TRMT1: variants seen among roughly 807,000 people sequenced by gnomAD.
The protein encoded by TRMT1 is tRNA (guanine(26)-N(2))-dimethyltransferase.
A neutral mutation model predicts 75.4 loss-of-function variants in TRMT1; 63 were observed. The ratio of observed to expected loss-of-function variants is 0.84; its 90% CI spans 0.68 to 1.03. The LOEUF (loss-of-function observed/expected upper bound fraction) is 1.03. Among genes scored for constraint, TRMT1 ranks in the 50% least tolerant of loss-of-function variants. TRMT1 has a pLI of 0.00. For missense variants in TRMT1, 870 were observed against 905.3 expected, an observed-to-expected ratio of 0.96 and a Z score of 0.50; for synonymous variants, 382 against 358.1, an observed-to-expected ratio of 1.07 and a Z score of -0.75.
intron 8 of TRMT1, 37 bp from the exon 9 acceptor site, chr19:13,110,038 G>A (rs773498587): frequency 1.2e-6 from 2 of 1,612,426 alleles, no homozygotes; most frequent in Admixed American, 3.3e-5. Flanking sequence ...TTCCCAGCGT[G>A]ACCACGACAC....
In TRMT1 at chr19:13,115,359, G is replaced by A. The variant is rs1158864111; in HGVS notation, c.561C>T (p.Thr187=). The change falls in exon 5 of 17, where the codon ACC becomes ACT. Residue 187 remains threonine (T), a synonymous_variant. Coordinates refer to ENST00000357720, the MANE Select transcript of TRMT1 (RefSeq NM_001136035.4). ...LRSVVANDAS[T]RAVDLIRRNV... is the part of the protein sequence containing the mutation. ...TCCGGCGTATGAGATCCACAGCCCG[G>A]GTGGAGGCATCGTTTGCAACCACAG... is the stretch of plus-strand genomic sequence containing the variant. The A allele has an allele frequency of 6.2e-7, 1 of 1,614,068 alleles. No individual in the cohort carries two copies. Among genetic ancestry groups the A allele is most frequent in the Non-Finnish European group, 8.5e-7 (1 of 1,180,036 alleles).
chr19:13,115,270 A>C lies in TRMT1; in HGVS notation c.641+9T>G. 2 of 1,606,830 alleles carry C rather than the reference A, an allele frequency of 1.2e-6. No homozygotes were observed. Among genetic ancestry groups the C allele is most frequent in the Non-Finnish European group, 1.7e-6 (2 of 1,176,008 alleles). On this transcript the variant is annotated intron_variant, in intron 5 of 16. Transcript: ENST00000357720. ...GTCCCAGAGCTAGGCTGTGATGCCC[A>C]GAACCTACCGGGCATCTGCTTGGCT...
intron 7 of TRMT1, 35 bp downstream of exon 7, chr19:13,112,670 C>A: frequency 1.9e-6 from 3 of 1,592,418 alleles, no homozygotes; most frequent in Admixed American, 1.7e-5. Context: ...ACCTGTCCCC[C>A]GGTCTCCCTG....
chr19:13,114,733 C>A (rs547953891), intron 5 of TRMT1, among the ~76,000 whole-genome samples: 1 of 152,014 alleles, frequency 6.6e-6, no homozygotes, highest in Non-Finnish European at 1.5e-5. Flanking sequence ...CCCAGCTACT[C>A]GGGAGGCTGA....
intron 5 of TRMT1, 74 bp downstream of exon 5, chr19:13,115,205 G>T: frequency 1.4e-6 from 2 of 1,475,852 alleles, no homozygotes; most frequent in Non-Finnish European, 1.8e-6. Context: ...GTCACAGAGT[G>T]AGAATGTGAC....
chr19:13,111,722 CAG>C (rs2019150063), intron 7 of TRMT1, among the ~76,000 whole-genome samples: 1 of 128,404 alleles, frequency 7.8e-6, no homozygotes, highest in Admixed American at 8.0e-5. Context: ...TTTTTTGAGA[CAG>C]AGTCTTGCTC....
chr19:13,114,143 G>A lies in TRMT1; in HGVS notation c.642-1132C>T, dbSNP rs554164592. Among the ~76,000 whole-genome samples, 16 of 152,292 alleles carry A rather than the reference G, an allele frequency of 1.1e-4. No homozygotes were observed. In the East Asian group the frequency reaches 2.7e-3, roughly 26 times the overall value. On this transcript the variant is annotated intron_variant, in intron 5 of 16. Coordinates refer to ENST00000357720, the MANE Select transcript of TRMT1 (RefSeq NM_001136035.4). ...AAGGTCAGAAGGTATTTTAGGCTTTGTGAGTCATATGTGGTCCCTACTGCA... is the reference window on the plus strand; with the variant it reads ...AAGGTCAGAAGGTATTTTAGGCTTTATGAGTCATATGTGGTCCCTACTGCA...
At chr19:13,115,031 T>C (rs1276134220) in intron 5 of TRMT1, among the ~76,000 whole-genome samples, 1 of 151,366 alleles carries the variant, frequency 6.6e-6, no homozygotes, top group Non-Finnish European at 1.5e-5. Context: ...ATAAAAGGAG[T>C]GTAAGAAGTT....
In TRMT1 at chr19:13,110,607, GAGGACCCACGTTCC is replaced by G. The variant is rs1412005594; in HGVS notation, c.871-315_871-302del. ...ATCGGTGTGCCATGTGGCATGTACT[GAGGACCCACGTTCC>G]AGCCCCCAAGGGCTCTGTGGGCAGG... On this transcript the variant is annotated intron_variant, in intron 7 of 16. Transcript: ENST00000357720. Among the ~76,000 whole-genome samples the G allele has an allele frequency of 7.2e-5, 11 of 152,380 alleles. 1 individual carries two copies. The East Asian group carries it at 1.9e-3, about 27-fold the overall frequency.
In TRMT1 at chr19:13,115,693, A is replaced by G. The variant is rs1422020840; in HGVS notation, c.386T>C (p.Leu129Pro). 1 of 1,613,970 alleles carries G rather than the reference A, an allele frequency of 6.2e-7. No homozygotes were observed. Among genetic ancestry groups the G allele is most frequent in the East Asian group, 2.2e-5 (1 of 44,876 alleles). Residue 129 changes from leucine (L) to proline (P), a missense_variant, in exon 4 of 17, where the codon CTG becomes CCG. By Grantham distance (98) the Leu-to-Pro change is moderately conservative. Coordinates refer to ENST00000357720, the MANE Select transcript of TRMT1 (RefSeq NM_001136035.4). ...TGAGGCCAGGTTTTCACTCTCTTTCAGTTCAACCTTTTCCTCCTCTTGCTC... is the reference window on the plus strand; with the variant it reads ...TGAGGCCAGGTTTTCACTCTCTTTCGGTTCAACCTTTTCCTCCTCTTGCTC... Reference protein sequence around the residue: ...LSEQEEEKVELKESENLASGD... With the variant: ...LSEQEEEKVEPKESENLASGD...
At chr19:13,110,458 G>A (rs1881825206) in intron 7 of TRMT1, 152 bp from the exon 8 acceptor site, 3 of 853,854 alleles carry the variant, frequency 3.5e-6, no homozygotes, top group African/African-American at 1.7e-5. Context: ...CTCAACAAGT[G>A]AGTATCCCCT....
At chr19:13,106,397 T>C (rs957364462) in intron 14 of TRMT1, among the ~76,000 whole-genome samples, 8 of 152,192 alleles carry the variant, frequency 5.3e-5, no homozygotes, top group Admixed American at 3.9e-4. Flanking sequence ...ATTTAACGAC[T>C]GTGTGCCTGC....
intron 5 of TRMT1, among the ~76,000 whole-genome samples, chr19:13,114,432 C>G (rs917268728): frequency 6.6e-6 from 1 of 152,090 alleles, no homozygotes; most frequent in Non-Finnish European, 1.5e-5. Flanking sequence ...TTTGGGAGGC[C>G]GAGGCGGGCA....
intron 12 of TRMT1, among the ~76,000 whole-genome samples, chr19:13,108,910 TAA>T (rs1482550920): frequency 1.4e-5 from 2 of 143,760 alleles, no homozygotes; most frequent in African/African-American, 2.6e-5. Flanking sequence ...AAGCCTGGCC[TAA>T]TTTTTTTTTT....
intron 7 of TRMT1, among the ~76,000 whole-genome samples, chr19:13,111,166 C>T (rs2019124167): frequency 6.6e-6 from 1 of 152,064 alleles, no homozygotes; most frequent in Non-Finnish European, 1.5e-5. Context: ...GCCTCAGCCT[C>T]CAGAGTAGCT....
chr19:13,115,165 G>A (rs2019288948), intron 5 of TRMT1, 114 bp downstream of exon 5: 2 of 1,155,544 alleles, frequency 1.7e-6, no homozygotes, highest in East Asian at 2.6e-5. Flanking sequence ...AGGAAACTGG[G>A]GCTCAAAGAG....
rs145807038 is a variant in TRMT1, at chr19:13,105,509, G to T, written c.1681C>A (p.Pro561Thr). ...CACCCTGGCCGGGCACGAGGCCGGGGACCCCAGTTGGCCTCCGGGTTAGCC... is the reference window on the plus strand; with the variant it reads ...CACCCTGGCCGGGCACGAGGCCGGGTACCCCAGTTGGCCTCCGGGTTAGCC... ...FQANPEANWG[P>T]RPRARPGGKA... is the part of the protein sequence containing the mutation. The change falls in exon 15 of 17, where the codon CCC (proline) becomes ACC (threonine). Residue 561 changes from proline to threonine, a missense_variant. Transcript: ENST00000357720. 1 of 1,613,944 alleles carries T rather than the reference G, an allele frequency of 6.2e-7. No individual in the cohort carries two copies. Among genetic ancestry groups the T allele is most frequent in the East Asian group, 2.2e-5 (1 of 44,876 alleles).
chr19:13,107,633 C>T lies in TRMT1; in HGVS notation c.1524G>A (p.Val508=). The T allele has an allele frequency of 6.2e-7, 1 of 1,608,010 alleles. No individual in the cohort carries two copies. The highest frequency in any genetic ancestry group is 8.5e-7 in the Non-Finnish European group (1 of 1,176,636). The part of the protein sequence containing the change: ...IMRCWEKECP[V]KRERLSETSP... ...TAGTCTCTGATAGTCGCTCCCGTTT[C>T]ACCGGACATTCCTTCTCCTGGGGGC... is the stretch of plus-strand genomic sequence containing the variant. The change falls in exon 14 of 17, where the codon GTG becomes GTA. Residue 508 remains valine, a synonymous_variant. Transcript: ENST00000357720.
In TRMT1 at chr19:13,116,037, G is replaced by T. The variant is rs1269062044; in HGVS notation, c.270C>A (p.Thr90=). Residue 90 remains threonine (T), a synonymous_variant, in exon 3 of 17, where the codon ACC becomes ACA. Coordinates refer to ENST00000357720, the MANE Select transcript of TRMT1 (RefSeq NM_001136035.4). ...FNRDLTCAVI[T]EFARIQLGAK... is the part of the protein sequence containing the mutation. Reference sequence around the variant, plus strand: ...CCCCAAGCTGAATGCGAGCAAACTCGGTGATCACAGCACATCTGGTGGGAG... The same window carrying T: ...CCCCAAGCTGAATGCGAGCAAACTCTGTGATCACAGCACATCTGGTGGGAG... 6.2e-7 allele frequency: 1 copy of T among 1,613,990 alleles called. No homozygotes were observed. Among genetic ancestry groups the T allele is most frequent in the East Asian group, 2.2e-5 (1 of 44,878 alleles).
Sources: allele counts gnomAD v4.1 joint callset (sites outside exome capture counted in the v4.1 genomes callset), GRCh38; gene constraint gnomAD v4.1.1; transcripts MANE v1.5; gene names NCBI Gene and HGNC (gene_info 2026-07-23, HGNC 2026-07-21).